Variants in THBS4 observed in about 807,000 individuals in gnomAD.
THBS4 encodes the protein thrombospondin-4.
A neutral mutation model predicts 115.7 loss-of-function variants in THBS4; 90 were observed. The ratio of observed to expected loss-of-function variants is 0.78; its 90% CI spans 0.66 to 0.93. The LOEUF (loss-of-function observed/expected upper bound fraction) is 0.93. Ranked by LOEUF, THBS4 falls within the 40% of genes least tolerant of loss-of-function variation. THBS4 has a pLI of 0.00. For synonymous variants in THBS4, 460 were observed against 479.3 expected, an observed-to-expected ratio of 0.96 and a Z score of 0.53; for missense variants, 1,087 against 1,232.7, an observed-to-expected ratio of 0.88 and a Z score of 1.77.
chr5:80,042,682 C>T (rs1012627905), intron 2 of THBS4, among the ~76,000 whole-genome samples: 1 of 152,086 alleles, frequency 6.6e-6, no homozygotes, highest in Non-Finnish European at 1.5e-5. Context: ...GCTGTAAATA[C>T]CAGTTGATCA....
At chr5:80,037,506 G>A (rs1219082542) in intron 1 of THBS4, among the ~76,000 whole-genome samples, 2 of 152,082 alleles carry the variant, frequency 1.3e-5, no homozygotes, top group Non-Finnish European at 2.9e-5. Context: ...GCACTTAAAC[G>A]TAATAACATT....
chr5:80,043,623 C>T (rs1333036043), intron 2 of THBS4, among the ~76,000 whole-genome samples: 1 of 152,188 alleles, frequency 6.6e-6, no homozygotes. Flanking sequence ...GGTGACTACA[C>T]AGCATCAAAG....
intron 2 of THBS4, among the ~76,000 whole-genome samples, chr5:80,051,336 A>C (rs200222291): frequency 3.1e-5 from 1 of 31,996 alleles, no homozygotes; most frequent in Non-Finnish European, 5.9e-5. Context: ...CTGATAATAA[A>C]ATAAGTGTAG....
chr5:80,004,436 G>A (rs773496251), intron 2 of THBS4, among the ~76,000 whole-genome samples: 2 of 152,106 alleles, frequency 1.3e-5, no homozygotes, highest in African/African-American at 4.8e-5. Flanking sequence ...TCTGGGTCCC[G>A]CAGACTCAGA....
At chr5:80,013,131 TTTTTG>T (rs1041335299) in intron 2 of THBS4, among the ~76,000 whole-genome samples, 6 of 152,048 alleles carry the variant, frequency 3.9e-5, no homozygotes, top group East Asian at 1.9e-4. Context: ...TGTTTTTTGT[TTTTTG>T]TTTTGTTTTG....
chr5:80,069,012 G>T (rs1833939236), intron 10 of THBS4, among the ~76,000 whole-genome samples: 2 of 151,798 alleles, frequency 1.3e-5, no homozygotes, highest in East Asian at 1.9e-4. Flanking sequence ...CCAAATCCAA[G>T]GATCCAAAGT....
At chr5:80,076,342 A>G (rs1743215602) in intron 15 of THBS4, 1 of 152,242 alleles carries the variant, frequency 6.6e-6, no homozygotes, top group Non-Finnish European at 1.5e-5. Flanking sequence ...TTGAAATTTA[A>G]TATGCAACAT....
At position 80,079,153 on chromosome 5, in the gene THBS4, C is replaced by A. The variant is rs1221155940; in HGVS notation, c.2406C>A (p.Tyr802Ter). 1.2e-6 allele frequency: 2 copies of A among 1,614,198 alleles called. No individual in the cohort carries two copies. The highest frequency in any genetic ancestry group is 1.3e-5 in the African/African-American group (1 of 75,052). ...ACTATGCAGGCTTTATCTTTGGCTA[C>A]CAAGATAGCTCCAGCTTCTACGTGG... ...DDDYAGFIFG[Y>*]QDSSSFYVVM... is the part of the protein sequence containing the mutation. The change falls in exon 19 of 22, where the codon TAC (tyrosine) becomes TAA (stop). Residue 802 changes from tyrosine (Y) to a stop codon, truncating the protein, a stop_gained. Coordinates refer to ENST00000350881, the MANE Select transcript of THBS4 (RefSeq NM_003248.6). LOFTEE classifies it high-confidence loss of function.
chr5:80,065,124 A>T (rs1288304658), intron 8 of THBS4, among the ~76,000 whole-genome samples: 4 of 152,190 alleles, frequency 2.6e-5, no homozygotes, highest in African/African-American at 7.2e-5. Context: ...TTAAAAAAAA[A>T]AATAAAACTT....
intron 2 of THBS4, among the ~76,000 whole-genome samples, chr5:80,008,148 T>C (rs1832053654): frequency 6.6e-6 from 1 of 152,224 alleles, no homozygotes; most frequent in African/African-American, 2.4e-5. Flanking sequence ...TTTATAGTAA[T>C]ACTATCTTTC....
At chr5:80,078,587 A>T (rs948674424) in intron 17 of THBS4, among the ~76,000 whole-genome samples, 1 of 152,216 alleles carries the variant, frequency 6.6e-6, no homozygotes, top group African/African-American at 2.4e-5. Flanking sequence ...GCAGGCACAG[A>T]GAGGCTTAGT....
chr5:80,011,950 G>A (rs1832135575), intron 2 of THBS4, among the ~76,000 whole-genome samples: 1 of 152,072 alleles, frequency 6.6e-6, no homozygotes, highest in Admixed American at 6.5e-5. Flanking sequence ...CTATTAAAAT[G>A]TATCACTTTC....
rs1364690985 is a variant in THBS4, at chr5:80,077,031, C to G, written c.2069C>G (p.Ala690Gly). The part of the protein sequence containing the change: ...PDNCRLVPNP[A>G]QEDSNSDGVG... ...AACTGCCGGCTGGTCCCCAACCCAG[C>G]CCAGGAGGATAGCAACAGTAAGCAG... Residue 690 changes from alanine (A) to glycine (G), a missense_variant, in exon 16 of 22, where the codon GCC becomes GGC. Coordinates refer to ENST00000350881, the MANE Select transcript of THBS4 (RefSeq NM_003248.6). The G allele has an allele frequency of 6.2e-7, 1 of 1,605,722 alleles. No homozygotes were observed. The highest frequency in any genetic ancestry group is 8.5e-7 in the Non-Finnish European group (1 of 1,175,662).
intron 2 of THBS4, among the ~76,000 whole-genome samples, chr5:80,043,955 G>A (rs1435650141): frequency 6.6e-6 from 1 of 152,166 alleles, no homozygotes; most frequent in Non-Finnish European, 1.5e-5. Flanking sequence ...CATGCAGCCT[G>A]AGCTTCACCA....
At chr5:80,026,466 A>G (rs1300049313) in intron 2 of THBS4, among the ~76,000 whole-genome samples, 4 of 152,226 alleles carry the variant, frequency 2.6e-5, no homozygotes. Flanking sequence ...CAGAAAAGGC[A>G]TGATCTAGAA....
At chr5:79,995,824 T>C (rs1256784856) in intron 1 of THBS4, among the ~76,000 whole-genome samples, 1 of 151,870 alleles carries the variant, frequency 6.6e-6, no homozygotes, top group Non-Finnish European at 1.5e-5. Flanking sequence ...GAGAAAGAGA[T>C]TGGGGCTTTA....
chr5:79,993,740 A>G (rs1831735441), intron 1 of THBS4, among the ~76,000 whole-genome samples: 1 of 152,240 alleles, frequency 6.6e-6, no homozygotes, highest in African/African-American at 2.4e-5. Context: ...GCCACAGTGC[A>G]AGGTTTGTTA....
intron 14 of THBS4, 89 bp downstream of exon 14, chr5:80,072,485 G>A: frequency 8.2e-7 from 1 of 1,215,532 alleles, no homozygotes; most frequent in East Asian, 2.4e-5. Context: ...AAACAGCAGA[G>A]CCTCTTAGCT....
At chr5:80,070,826 T>C in intron 12 of THBS4, 76 bp downstream of exon 12, 2 of 1,572,014 alleles carry the variant, frequency 1.3e-6, no homozygotes, top group Admixed American at 3.4e-5. Flanking sequence ...ATGTCAACTA[T>C]GTATATGAAT....
Sources: gnomAD v4.1 joint callset for allele counts (sites outside exome capture counted in the v4.1 genomes callset) on GRCh38, gnomAD v4.1.1 for gene constraint, MANE v1.5 for transcripts, NCBI Gene and HGNC (gene_info 2026-07-23, HGNC 2026-07-21) for gene names.